FGF12: variants seen among roughly 807,000 people sequenced by gnomAD.
FGF12 encodes the protein fibroblast growth factor 12B.
A neutral mutation model predicts 23.6 loss-of-function variants in FGF12; 14 were observed. That is an observed-to-expected ratio of 0.59 (90% CI 0.39 to 0.93). FGF12 has a LOEUF of 0.93. FGF12 is among the 40% of genes least tolerant of loss of function. The pLI is 0.00. For missense variants in FGF12, 175 were observed against 217.8 expected (o/e 0.80, Z 1.24); for synonymous variants, 62 against 77.3 (o/e 0.80, Z 1.04).
intron 5 of FGF12, among the ~76,000 whole-genome samples, chr3:192,169,082 T>A (rs149581459): frequency 0.066 from 9,996 of 152,240 alleles, 399 homozygotes; most frequent in African/African-American, 0.096. Flanking sequence ...GGCTCACGCT[T>A]GTAATCCCAG....
At chr3:192,342,293 T>C (rs1421218684) in intron 3 of FGF12, among the ~76,000 whole-genome samples, 1 of 152,170 alleles carries the variant, frequency 6.6e-6, no homozygotes, top group African/African-American at 2.4e-5. Flanking sequence ...TGGAAGATAA[T>C]ATGTATTACA....
chr3:192,593,337 C>A (rs1029254623), intron 2 of FGF12, among the ~76,000 whole-genome samples: 1 of 151,802 alleles, frequency 6.6e-6, no homozygotes, highest in African/African-American at 2.4e-5. Flanking sequence ...CCCTCATGAT[C>A]ATACGTAGAA....
intron 2 of FGF12, among the ~76,000 whole-genome samples, chr3:192,446,337 T>A (rs1250275937): frequency 6.6e-6 from 1 of 152,188 alleles, no homozygotes; most frequent in African/African-American, 2.4e-5. Context: ...CAATTCAGTT[T>A]GCCTGAACTG....
intron 2 of FGF12, among the ~76,000 whole-genome samples, chr3:192,546,414 T>C (rs1346459281): frequency 6.7e-6 from 1 of 148,992 alleles, no homozygotes; most frequent in Non-Finnish European, 1.5e-5. Flanking sequence ...ATTCATAAAT[T>C]AAGGAGAAAT....
rs555952866 is a variant in FGF12, at chr3:192,161,503, T to G, written c.427+8955A>C. Among the ~76,000 whole-genome samples the G allele has an allele frequency of 8.1e-3, 514 of 63,224 alleles. 1 individual carries two copies. The highest frequency in any genetic ancestry group is 0.023 in the African/African-American group (440 of 19,030). 41.5% of individuals were successfully genotyped at this position (63,224 alleles called of 152,430 possible). On this transcript the variant is annotated intron_variant, in intron 5 of 5. Transcript: ENST00000445105. ...TAACTTTAAGGAATGACAACGCCTA[T>G]TTACACACACACACACACACACACA... is the stretch of plus-strand genomic sequence containing the variant.
rs141262935 is a variant in FGF12 at position 192,604,446 on chromosome 3, C to T, written c.13+122735G>A. On this transcript the variant is annotated intron_variant, in intron 2 of 5. Transcript: ENST00000445105. ...TATGTTCCTCTTCTTCAGCTCCAGC[C>T]GGTCCCTCCGTTCAGGGTCCCTGAC... 3.4e-3 allele frequency among the ~76,000 whole-genome samples: 515 copies of T among 152,316 alleles called. 10 individuals carry two copies. The highest frequency in any genetic ancestry group is 0.032 in the Admixed American group (483 of 15,290).
chr3:192,561,639 GGCGTGAGC>G (rs1712040792), intron 2 of FGF12, among the ~76,000 whole-genome samples: 2 of 152,194 alleles, frequency 1.3e-5, no homozygotes, highest in Admixed American at 6.5e-5. Context: ...TGGGATTACA[GGCGTGAGC>G]CACCGTGCCT....
At chr3:192,350,818 G>T (rs1327397474) in intron 3 of FGF12, among the ~76,000 whole-genome samples, 1 of 152,130 alleles carries the variant, frequency 6.6e-6, no homozygotes, top group East Asian at 1.9e-4. Flanking sequence ...GTGATGAAAG[G>T]GATTGAGCAA....
chr3:192,370,922 G>C (rs1447677677), intron 2 of FGF12, among the ~76,000 whole-genome samples: 1 of 152,206 alleles, frequency 6.6e-6, no homozygotes, highest in Non-Finnish European at 1.5e-5. Context: ...TTTAAATGTA[G>C]AATATTAATG....
intron 2 of FGF12, among the ~76,000 whole-genome samples, chr3:192,406,675 A>G (rs1720969984): frequency 6.6e-6 from 1 of 152,290 alleles, no homozygotes; most frequent in Non-Finnish European, 1.5e-5. Flanking sequence ...CCACTTTATC[A>G]TCATCACAAA....
intron 4 of FGF12, among the ~76,000 whole-genome samples, chr3:192,197,715 C>T (rs944378208): frequency 1.3e-5 from 2 of 151,988 alleles, no homozygotes; most frequent in South Asian, 2.1e-4. Context: ...GAGGCCGAGG[C>T]GGGAAGATCA....
chr3:192,247,637 A>G (rs368184973), intron 4 of FGF12, among the ~76,000 whole-genome samples: 1 of 152,192 alleles, frequency 6.6e-6, no homozygotes, highest in Non-Finnish European at 1.5e-5. Flanking sequence ...CAATAATTTA[A>G]TAAATCATTT....
chr3:192,475,803 C>T (rs545743056), intron 2 of FGF12, among the ~76,000 whole-genome samples: 75 of 152,248 alleles, frequency 4.9e-4, no homozygotes, highest in Middle Eastern at 3.4e-3. Context: ...GTCTGAAATA[C>T]GATTCCGACC....
At chr3:192,415,452 A>T (rs747228892) in intron 2 of FGF12, among the ~76,000 whole-genome samples, 1 of 152,090 alleles carries the variant, frequency 6.6e-6, no homozygotes, top group Non-Finnish European at 1.5e-5. Context: ...CAATCCATCC[A>T]CCCAGATTTT....
intron 2 of FGF12, among the ~76,000 whole-genome samples, chr3:192,547,157 A>G (rs1042517676): frequency 1.3e-5 from 2 of 152,264 alleles, no homozygotes; most frequent in African/African-American, 4.8e-5. Flanking sequence ...ATCAAAAGAA[A>G]CCTTGTGATG....
At chr3:192,184,305 A>G (rs903522601) in intron 4 of FGF12, among the ~76,000 whole-genome samples, 1 of 152,214 alleles carries the variant, frequency 6.6e-6, no homozygotes, top group Admixed American at 6.5e-5. Flanking sequence ...TTCGGTTAAT[A>G]TAATAGTTGT....
intron 4 of FGF12, among the ~76,000 whole-genome samples, chr3:192,175,815 C>A (rs888114505): frequency 1.3e-5 from 2 of 152,102 alleles, no homozygotes; most frequent in African/African-American, 4.8e-5. Context: ...TTCCAACCTC[C>A]TCTCCCTAGA....
rs1560091665 is a variant in FGF12, at chr3:192,378,035, T to TTTCTTTCTC, written c.14-17498_14-17497insGAGAAAGAA. Among the ~76,000 whole-genome samples, 19 of 57,996 alleles carry TTTCTTTCTC rather than the reference T, an allele frequency of 3.3e-4. 5 individuals are homozygous for TTTCTTTCTC. The highest frequency in any genetic ancestry group is 1.8e-3 in the African/African-American group (19 of 10,324). The allele number at this position is 57,996 out of a possible 152,430, so 38.0% of individuals were successfully genotyped here. A position where few individuals can be genotyped will look rare whatever the true frequency, so the allele number is the denominator to read the frequency against. ...TTCTTCTGACTCTTTCTTTTCTTTC[T>TTTCTTTCTC]TTCTTTCTTTCTTTCTTTCTTTCTT... On this transcript the variant is annotated intron_variant, in intron 2 of 5. Transcript: ENST00000445105.
At chr3:192,509,899 C>T (rs966248774) in intron 2 of FGF12, among the ~76,000 whole-genome samples, 6 of 152,084 alleles carry the variant, frequency 3.9e-5, no homozygotes, top group Non-Finnish European at 5.9e-5. Context: ...TAAGCTGCAC[C>T]GCCTTATTAT....
Sources: gnomAD v4.1 joint callset for allele counts (sites outside exome capture counted in the v4.1 genomes callset) on GRCh38, gnomAD v4.1.1 for gene constraint, MANE v1.5 for transcripts, NCBI Gene and HGNC (gene_info 2026-07-23, HGNC 2026-07-21) for gene names.